MPDZ: variants seen among roughly 807,000 people sequenced by gnomAD.
MPDZ encodes the protein multiple PDZ domain protein.
MPDZ carries 234 observed loss-of-function variants against 239.1 expected under a neutral mutation model. That is an observed-to-expected ratio of 0.98 (90% CI 0.88 to 1.09). The LOEUF (loss-of-function observed/expected upper bound fraction) is 1.09. MPDZ is among the 50% of genes least tolerant of loss of function. MPDZ has a pLI of 0.00. For missense variants in MPDZ, 3,175 were observed against 2,510.0 expected (o/e 1.26, Z -5.66); for synonymous variants, 1,048 against 881.3 (o/e 1.19, Z -3.35).
chr9:13,111,209 G>A (rs1216730055), intron 43 of MPDZ, among the ~76,000 whole-genome samples: 2 of 152,334 alleles, frequency 1.3e-5, no homozygotes, highest in East Asian at 1.9e-4. Context: ...TTATTTGGCT[G>A]CTTTCACAGC....
At chr9:13,268,976 G>A (rs1470221754) in intron 1 of MPDZ, among the ~76,000 whole-genome samples, 1 of 151,960 alleles carries the variant, frequency 6.6e-6, no homozygotes, top group African/African-American at 2.4e-5. Flanking sequence ...ACCAAAGAGG[G>A]AAAAGAACTA....
chr9:13,229,229 A>T (rs1355395172), intron 3 of MPDZ, among the ~76,000 whole-genome samples: 1 of 152,154 alleles, frequency 6.6e-6, no homozygotes, highest in Non-Finnish European at 1.5e-5. Context: ...AAAGGTATCA[A>T]AAAGAAACCA....
Position 13,108,973 on chromosome 9 carries a change from C to A in MPDZ, c.6029G>T (p.Gly2010Val), listed in dbSNP as rs1941951275. ...TGTTTTAACATAAATGGGTAAGTCT[C>A]CATGAGGGCTGCCATATCCTCCAAC... is the stretch of plus-strand genomic sequence containing the variant. Reference protein sequence around the residue: ...SIVGGYGSPHGDLPIYVKTVF... With the variant: ...SIVGGYGSPHVDLPIYVKTVF... Residue 2010 changes from glycine (G) to valine (V), a missense_variant, in exon 46 of 47, where the codon GGA becomes GTA. Physicochemically the swap from Gly to Val is moderately radical, Grantham distance 109. Transcript: ENST00000319217. 3.1e-6 allele frequency: 5 copies of A among 1,609,050 alleles called. No homozygotes were observed. The highest frequency in any genetic ancestry group is 4.2e-6 in the Non-Finnish European group (5 of 1,177,604).
chr9:13,198,941 G>T (rs1304295964), intron 12 of MPDZ, among the ~76,000 whole-genome samples: 1 of 151,752 alleles, frequency 6.6e-6, no homozygotes, highest in Non-Finnish European at 1.5e-5. Flanking sequence ...AATGTCATTG[G>T]TATATTCATA....
rs1002849183 is a variant in MPDZ, at chr9:13,109,880, G to A, written c.5942+72C>T. ...ACGTAATTCCTAGAAACATGGGACA[G>A]AGAACGCAACTGTCAGGAAGACTTG... On this transcript the variant is annotated intron_variant, in intron 45 of 46. Transcript: ENST00000319217. The A allele has an allele frequency of 2.2e-5, 26 of 1,188,738 alleles. No individual in the cohort carries two copies. In the African/African-American group the frequency reaches 2.7e-4, roughly 12 times the overall value. 73.6% of individuals were successfully genotyped at this position (1,188,738 alleles called of 1,614,324 possible). A position where few individuals can be genotyped will look rare whatever the true frequency, so the allele number is the denominator to read the frequency against.
Position 13,138,549 on chromosome 9 carries a change from T to C in MPDZ, c.4004-396A>G, listed in dbSNP as rs115845382. Among the ~76,000 whole-genome samples, 915 of 152,312 alleles carry C rather than the reference T, an allele frequency of 6.0e-3. 8 individuals are homozygous for C. The highest frequency in any genetic ancestry group is 0.02 in the African/African-American group (829 of 41,560). ...CTGATCAGTGGGAGCTTTTCTCCCATAGGAATTTCAACATTGTGTATCACA... is the reference window on the plus strand; with the variant it reads ...CTGATCAGTGGGAGCTTTTCTCCCACAGGAATTTCAACATTGTGTATCACA... On this transcript the variant is annotated intron_variant, in intron 28 of 46. Transcript: ENST00000319217.
At chr9:13,228,309 C>T (rs1961269942) in intron 3 of MPDZ, among the ~76,000 whole-genome samples, 2 of 151,940 alleles carry the variant, frequency 1.3e-5, no homozygotes, top group South Asian at 4.1e-4. Flanking sequence ...TTAATTAGTG[C>T]TATTACCTAA....
At chr9:13,136,824 T>G in intron 29 of MPDZ, 21 bp from the exon 30 acceptor site, 1 of 1,453,104 alleles carries the variant, frequency 6.9e-7, no homozygotes, top group East Asian at 2.3e-5. Flanking sequence ...TAAATATCAT[T>G]AGTTGGGCCT....
chr9:13,205,173 C>T (rs577067649), intron 11 of MPDZ, 66 bp from the exon 12 acceptor site: 3 of 849,896 alleles, frequency 3.5e-6, no homozygotes, highest in Non-Finnish European at 5.1e-6. Context: ...TTTTTCTAAA[C>T]CCAGTATATT....
intron 15 of MPDZ, among the ~76,000 whole-genome samples, chr9:13,191,213 G>A (rs2135009711): frequency 6.6e-6 from 1 of 152,132 alleles, no homozygotes; most frequent in South Asian, 2.1e-4. Flanking sequence ...ATAAAATTTG[G>A]AATTATGTTT....
At chr9:13,117,147 A>G (rs1256788484) in intron 39 of MPDZ, among the ~76,000 whole-genome samples, 1 of 152,218 alleles carries the variant, frequency 6.6e-6, no homozygotes, top group Non-Finnish European at 1.5e-5. Flanking sequence ...AATAAAAGTT[A>G]TATGAATGTG....
Position 13,123,208 on chromosome 9 carries a change from G to A in MPDZ, c.4898C>T (p.Ser1633Phe). 1 of 1,613,460 alleles carries A rather than the reference G, an allele frequency of 6.2e-7. No homozygotes were observed. The highest frequency in any genetic ancestry group is 8.5e-7 in the Non-Finnish European group (1 of 1,179,828). Residue 1633 changes from serine (S) to phenylalanine (F), a missense_variant, in exon 36 of 47, where the codon TCC becomes TTC. By Grantham distance (155) the Ser-to-Phe change is radical. Coordinates refer to ENST00000319217, the MANE Select transcript of MPDZ (RefSeq NM_001378778.1). ...IPGCETTIEI[S>F]KGRTGLGLSI... ...CAGGCCCAGCCCTGTTCGCCCTTTG[G>A]AAATCTCGATGGTTGTTTCGCAGCC...
chr9:13,211,270 C>T (rs1008173202), intron 10 of MPDZ, among the ~76,000 whole-genome samples: 15 of 152,038 alleles, frequency 9.9e-5, no homozygotes, highest in African/African-American at 3.4e-4. Flanking sequence ...AGGGAAGAAC[C>T]TTCCCCATTA....
At chr9:13,234,346 AGTT>A (rs1963368976) in intron 3 of MPDZ, among the ~76,000 whole-genome samples, 1 of 152,026 alleles carries the variant, frequency 6.6e-6, no homozygotes, top group South Asian at 2.1e-4. Flanking sequence ...ATTCCTTCTG[AGTT>A]GTTAAGTGAA....
chr9:13,205,757 TAC>T (rs1246816527), intron 11 of MPDZ, among the ~76,000 whole-genome samples, 157 bp downstream of exon 11: 1 of 152,194 alleles, frequency 6.6e-6, no homozygotes, highest in East Asian at 1.9e-4. Flanking sequence ...CTGACTTTAT[TAC>T]ACTTCTTTAC....
intron 24 of MPDZ, among the ~76,000 whole-genome samples, chr9:13,157,087 A>C (rs1949920661): frequency 6.6e-6 from 1 of 152,200 alleles, no homozygotes; most frequent in Non-Finnish European, 1.5e-5. Flanking sequence ...GCAGGTTATC[A>C]CTGGTGGGCA....
chr9:13,226,065 G>C (rs930107208), intron 3 of MPDZ, among the ~76,000 whole-genome samples: 1 of 152,128 alleles, frequency 6.6e-6, no homozygotes, highest in Middle Eastern at 3.4e-3. Flanking sequence ...TCATAAGTGA[G>C]GGTGGTTTTG....
Position 13,178,995 on chromosome 9 carries a change from T to C in MPDZ, c.2650-2578A>G, listed in dbSNP as rs543017713. On this transcript the variant is annotated intron_variant, in intron 19 of 46. Coordinates refer to ENST00000319217, the MANE Select transcript of MPDZ (RefSeq NM_001378778.1). ...ATTTATTTCAGGGTATGGTGTGAGA[T>C]ATGGGTCTGTCACTTTTTTCTAAAC... Among the ~76,000 whole-genome samples the C allele has an allele frequency of 9.9e-5, 15 of 152,280 alleles. No homozygotes were observed. The East Asian group carries it at 2.7e-3, about 27-fold the overall frequency.
At chr9:13,172,953 G>A (rs985839920) in intron 21 of MPDZ, among the ~76,000 whole-genome samples, 3 of 152,164 alleles carry the variant, frequency 2.0e-5, no homozygotes, top group African/African-American at 7.2e-5. Flanking sequence ...ATATTATTCA[G>A]CCTTAAAAAG....
Sources: gnomAD v4.1 joint callset for allele counts (sites outside exome capture counted in the v4.1 genomes callset) on GRCh38, gnomAD v4.1.1 for gene constraint, MANE v1.5 for transcripts, NCBI Gene and HGNC (gene_info 2026-07-23, HGNC 2026-07-21) for gene names.